The following PIK3R5 variants were observed in gnomAD, a reference collection of about 807,000 sequenced individuals.
PIK3R5 encodes the protein phosphoinositide 3-kinase regulatory subunit 5.
PIK3R5 carries 32 observed loss-of-function variants against 94.9 expected under a neutral mutation model. The ratio of observed to expected loss-of-function variants is 0.34; its 90% CI spans 0.25 to 0.45. The LOEUF (loss-of-function observed/expected upper bound fraction) is 0.45. PIK3R5 is among the 20% of genes least tolerant of loss of function. The probability of loss-of-function intolerance (pLI) is 1.00; values close to 1 mark genes in which losing one functional copy is unlikely to be tolerated. For synonymous variants in PIK3R5, 443 were observed against 479.4 expected, an observed-to-expected ratio of 0.92 and a Z score of 0.99; for missense variants, 853 against 1,144.6, an observed-to-expected ratio of 0.75 and a Z score of 3.68.
At chr17:8,960,266 T>C (rs1173658860) in intron 1 of PIK3R5, among the ~76,000 whole-genome samples, 1 of 152,246 alleles carries the variant, frequency 6.6e-6, no homozygotes, top group African/African-American at 2.4e-5. Context: ...ATTATGATTG[T>C]TATGATTCTC....
At chr17:8,917,827 C>T (rs994942329) in intron 1 of PIK3R5, among the ~76,000 whole-genome samples, 1 of 151,980 alleles carries the variant, frequency 6.6e-6, no homozygotes, top group South Asian at 2.1e-4. Flanking sequence ...GATTGTGCCA[C>T]TGCACTCCAG....
At chr17:8,887,003 C>A (rs2089875478) in intron 12 of PIK3R5, 93 bp downstream of exon 12, 3 of 1,452,356 alleles carry the variant, frequency 2.1e-6, no homozygotes, top group South Asian at 1.3e-5. Flanking sequence ...TCCATGGGGG[C>A]CTCAAGCCTG....
rs142536351 is a variant in PIK3R5, at chr17:8,889,736, C to T, written c.811+237G>A. ...AACAGAAAAGCCCAGCCTTTGCCCT[C>T]GTAAGCACTCTCTTTTCCTCTTCCC... is the stretch of plus-strand genomic sequence containing the variant. On this transcript the variant is annotated intron_variant, in intron 8 of 18. Coordinates refer to ENST00000447110, the MANE Select transcript of PIK3R5 (RefSeq NM_001142633.3). This position sits in a 1 kb window ranked among gnomAD's most constrained non-coding sequence, Gnocchi z 4.1. 4.3e-3 allele frequency among the ~76,000 whole-genome samples: 655 copies of T among 152,238 alleles called. 6 individuals carry two copies. Among genetic ancestry groups the T allele is most frequent in the African/African-American group, 0.015 (618 of 41,498 alleles).
chr17:8,963,966 C>T (rs1567678682), intron 1 of PIK3R5, among the ~76,000 whole-genome samples: 1 of 152,120 alleles, frequency 6.6e-6, no homozygotes, highest in Non-Finnish European at 1.5e-5. Context: ...TCTTCTTTGT[C>T]TTCCACGGGT....
chr17:8,946,552 T>C (rs912955892), intron 1 of PIK3R5, among the ~76,000 whole-genome samples: 3 of 151,484 alleles, frequency 2.0e-5, no homozygotes, highest in African/African-American at 7.3e-5. Flanking sequence ...CCAACCTAAG[T>C]GTGTTTACTC....
intron 1 of PIK3R5, among the ~76,000 whole-genome samples, chr17:8,961,212 G>C (rs1409520757): frequency 6.6e-6 from 1 of 152,210 alleles, no homozygotes; most frequent in Non-Finnish European, 1.5e-5. Flanking sequence ...AGAAGCAACA[G>C]CACACGCAAA....
At chr17:8,953,594 A>T (rs1226857451) in intron 1 of PIK3R5, among the ~76,000 whole-genome samples, 1 of 152,170 alleles carries the variant, frequency 6.6e-6, no homozygotes, top group African/African-American at 2.4e-5. Context: ...ATGGGTTCAG[A>T]GGATGGATTC....
chr17:8,906,287 T>A (rs1478351977), intron 3 of PIK3R5, among the ~76,000 whole-genome samples: 1 of 152,212 alleles, frequency 6.6e-6, no homozygotes, highest in Non-Finnish European at 1.5e-5. Flanking sequence ...TGCGAAGCTA[T>A]AAGCTGTGTG....
At chr17:8,927,755 G>A (rs2090914280) in intron 1 of PIK3R5, among the ~76,000 whole-genome samples, 1 of 152,156 alleles carries the variant, frequency 6.6e-6, no homozygotes, top group South Asian at 2.1e-4. Context: ...AGTGTTGGAG[G>A]TGGTGCCTGG....
intron 1 of PIK3R5, among the ~76,000 whole-genome samples, chr17:8,951,095 G>A (rs537106316): frequency 1.1e-4 from 16 of 152,100 alleles, no homozygotes; most frequent in South Asian, 4.1e-4. Context: ...CCATTTGTAC[G>A]TCTTCTTTTG....
chr17:8,943,601 G>A (rs950023762), intron 1 of PIK3R5, among the ~76,000 whole-genome samples: 2 of 152,004 alleles, frequency 1.3e-5, no homozygotes, highest in South Asian at 2.1e-4. Flanking sequence ...GTGAAACCCC[G>A]TCTCTACTAA....
At position 8,925,279 on chromosome 17, in the gene PIK3R5, G is replaced by T. The variant is rs892288800; in HGVS notation, c.-13-13772C>A. Among the ~76,000 whole-genome samples, 2 of 151,700 alleles carry T rather than the reference G, an allele frequency of 1.3e-5. No homozygotes were observed. Among genetic ancestry groups the T allele is most frequent in the Non-Finnish European group, 1.5e-5 (1 of 67,966 alleles). On this transcript the variant is annotated intron_variant, in intron 1 of 18. Coordinates refer to ENST00000447110, the MANE Select transcript of PIK3R5 (RefSeq NM_001142633.3). The surrounding 1 kb of genome is among the most constrained non-coding windows in gnomAD (Gnocchi z 5.1). ...ATAGATGGTTAGCTAGTAGATGATAGATAGTAGATGGATAGATAGATAGAT... is the reference window on the plus strand; with the variant it reads ...ATAGATGGTTAGCTAGTAGATGATATATAGTAGATGGATAGATAGATAGAT...
intron 1 of PIK3R5, among the ~76,000 whole-genome samples, chr17:8,933,716 T>C (rs189098912): frequency 2.0e-5 from 3 of 151,986 alleles, no homozygotes; most frequent in Admixed American, 2.0e-4. Context: ...CCGAAATAAG[T>C]AAAAATATAT....
chr17:8,927,709 T>G (rs2090912997), intron 1 of PIK3R5, among the ~76,000 whole-genome samples: 1 of 152,220 alleles, frequency 6.6e-6, no homozygotes, highest in Non-Finnish European at 1.5e-5. Context: ...TGTTTTTTTT[T>G]GGTCCCACCA....
intron 2 of PIK3R5, among the ~76,000 whole-genome samples, chr17:8,910,804 G>A (rs1315880851): frequency 6.8e-6 from 1 of 147,466 alleles, no homozygotes; most frequent in African/African-American, 2.7e-5. Context: ...GGCTACTCAC[G>A]GAGAAGTTAG....
intron 1 of PIK3R5, among the ~76,000 whole-genome samples, chr17:8,914,554 G>A (rs1308229169): frequency 6.6e-6 from 1 of 152,222 alleles, no homozygotes; most frequent in Admixed American, 6.5e-5. Context: ...CAGCCCATCT[G>A]GAAGATCCTT....
At chr17:8,942,021 C>T (rs912632994) in intron 1 of PIK3R5, among the ~76,000 whole-genome samples, 7 of 152,176 alleles carry the variant, frequency 4.6e-5, no homozygotes, top group African/African-American at 1.7e-4. Flanking sequence ...GCTCAGGGGG[C>T]CGGGTTTCCT....
chr17:8,897,095 C>T (rs2090168323), intron 5 of PIK3R5, among the ~76,000 whole-genome samples: 1 of 152,222 alleles, frequency 6.6e-6, no homozygotes, highest in Non-Finnish European at 1.5e-5. Flanking sequence ...TCCTGCTCCC[C>T]ATCCCCAGGG....
chr17:8,899,337 CG>C (rs925798875), intron 5 of PIK3R5, among the ~76,000 whole-genome samples: 1 of 152,156 alleles, frequency 6.6e-6, no homozygotes, highest in Admixed American at 6.5e-5. Flanking sequence ...TAAGACTTCA[CG>C]GGGGGAGGGC....
Sources: allele counts gnomAD v4.1 joint callset (sites outside exome capture counted in the v4.1 genomes callset), GRCh38; gene constraint gnomAD v4.1.1; non-coding constraint Gnocchi (gnomAD v3.1); transcripts MANE v1.5; gene names NCBI Gene and HGNC (gene_info 2026-07-23, HGNC 2026-07-21).